Variants in DOK6 observed in about 807,000 individuals in gnomAD.
DOK6 encodes the protein downstream of tyrosine kinase 6.
DOK6 carries 22 observed loss-of-function variants against 44.0 expected under a neutral mutation model. The ratio of observed to expected loss-of-function variants is 0.50; its 90% confidence interval spans 0.36 to 0.71. The LOEUF is 0.71. Among genes scored for constraint, DOK6 ranks in the 30% least tolerant of loss-of-function variants. The probability of loss-of-function intolerance (pLI) is 0.00; values close to 1 mark genes in which losing one functional copy is unlikely to be tolerated. For missense variants in DOK6, 340 were observed against 416.4 expected (o/e 0.82, Z 1.60); for synonymous variants, 166 against 145.5 (o/e 1.14, Z -1.01).
intron 3 of DOK6, among the ~76,000 whole-genome samples, chr18:69,628,014 G>A (rs1396961621): frequency 1.3e-5 from 2 of 152,188 alleles, no homozygotes; most frequent in Non-Finnish European, 2.9e-5. Context: ...TATGCATAAT[G>A]TACAAAACAA....
intron 1 of DOK6, chr18:69,469,901 G>T: frequency 4.4e-6 from 1 of 229,422 alleles, no homozygotes; most frequent in South Asian, 4.4e-5. Flanking sequence ...ATCTGCTTCT[G>T]GGTCGCTCGG....
At chr18:69,732,421 G>C (rs1437910917) in intron 5 of DOK6, among the ~76,000 whole-genome samples, 1 of 152,056 alleles carries the variant, frequency 6.6e-6, no homozygotes, top group Non-Finnish European at 1.5e-5. Context: ...CAAGTCTTAT[G>C]ACTTACATCA....
intron 2 of DOK6, among the ~76,000 whole-genome samples, chr18:69,588,695 C>T (rs1383594684): frequency 6.6e-6 from 1 of 152,044 alleles, no homozygotes. Context: ...GATAACGGAA[C>T]AAAATCAGGT....
chr18:69,811,540 A>ATT (rs1205002562), intron 7 of DOK6, among the ~76,000 whole-genome samples: 1 of 22,182 alleles, frequency 4.5e-5, no homozygotes, highest in South Asian at 2.3e-3. Flanking sequence ...ATATATATAT[A>ATT]TATATATATA....
intron 1 of DOK6, among the ~76,000 whole-genome samples, chr18:69,473,437 T>C (rs1277284170): frequency 6.6e-6 from 1 of 152,216 alleles, no homozygotes; most frequent in East Asian, 1.9e-4. Context: ...TGTTCCCTCA[T>C]ATTCCCCCAG....
intron 1 of DOK6, among the ~76,000 whole-genome samples, chr18:69,451,819 A>G (rs1193961478): frequency 4.4e-5 from 5 of 113,692 alleles, no homozygotes; most frequent in Non-Finnish European, 8.9e-5. Context: ...ACTACTGGGT[A>G]CATAACGAAA....
chr18:69,426,542 A>G (rs996236876), intron 1 of DOK6, among the ~76,000 whole-genome samples: 12 of 152,200 alleles, frequency 7.9e-5, no homozygotes, highest in Admixed American at 4.6e-4. Flanking sequence ...ATAAACGACT[A>G]AACTTTGGGC....
intron 2 of DOK6, among the ~76,000 whole-genome samples, chr18:69,597,388 A>G (rs1166905499): frequency 6.6e-6 from 1 of 152,218 alleles, no homozygotes; most frequent in Non-Finnish European, 1.5e-5. Flanking sequence ...TGCTTTTGTT[A>G]ACTGATCATT....
At chr18:69,779,147 G>C (rs1980174082) in intron 7 of DOK6, among the ~76,000 whole-genome samples, 1 of 152,028 alleles carries the variant, frequency 6.6e-6, no homozygotes, top group Non-Finnish European at 1.5e-5. Context: ...GCTGTTGAAA[G>C]GGCTCTTTCC....
intron 4 of DOK6, among the ~76,000 whole-genome samples, chr18:69,682,910 C>T (rs1442892876): frequency 6.6e-6 from 1 of 152,168 alleles, no homozygotes; most frequent in Admixed American, 6.5e-5. Context: ...GTCTGAAACT[C>T]TTGATGTCCA....
chr18:69,450,052 T>C (rs759454286), intron 1 of DOK6, among the ~76,000 whole-genome samples: 31,567 of 128,306 alleles, frequency 0.25, 4,136 homozygotes, highest in Middle Eastern at 0.39. Flanking sequence ...GGAACAAAGC[T>C]GGATGGAGAA....
intron 1 of DOK6, chr18:69,469,684 A>G: frequency 3.9e-6 from 1 of 255,120 alleles, no homozygotes; most frequent in South Asian, 3.8e-5. Context: ...CCCCGGAGAT[A>G]CGCTGCTGTG....
At chr18:69,449,147 T>G (rs1384521586) in intron 1 of DOK6, among the ~76,000 whole-genome samples, 1 of 152,238 alleles carries the variant, frequency 6.6e-6, no homozygotes, top group East Asian at 1.9e-4. Context: ...AATTACTAGT[T>G]TTTGTTATTC....
intron 1 of DOK6, chr18:69,469,653 A>G (rs934700614): frequency 2.1e-5 from 5 of 233,670 alleles, no homozygotes; most frequent in Admixed American, 1.5e-4. Context: ...CGGCTGCCTC[A>G]CCAGAGCCTG....
intron 7 of DOK6, among the ~76,000 whole-genome samples, chr18:69,830,152 A>G (rs574773329): frequency 7.2e-5 from 11 of 152,182 alleles, no homozygotes; most frequent in Non-Finnish European, 1.6e-4. Flanking sequence ...TACATTAATT[A>G]TGTTCAGTTT....
At position 69,697,743 on chromosome 18, in the gene DOK6, T is replaced by C. The variant is rs918044939; in HGVS notation, c.410-661T>C. 2.6e-5 allele frequency among the ~76,000 whole-genome samples: 4 copies of C among 152,342 alleles called. No homozygotes were observed. The East Asian group carries it at 7.7e-4, about 29-fold the overall frequency. On this transcript the variant is annotated intron_variant, in intron 4 of 7. Transcript: ENST00000382713. Reference sequence around the variant, plus strand: ...AGTAAGGTTTGGAATCATTGCCTAATAATATTTTCAGCCATAGGATATCCA... The same window carrying C: ...AGTAAGGTTTGGAATCATTGCCTAACAATATTTTCAGCCATAGGATATCCA...
chr18:69,786,763 G>C (rs890998120), intron 7 of DOK6, among the ~76,000 whole-genome samples: 1 of 152,180 alleles, frequency 6.6e-6, no homozygotes, highest in Non-Finnish European at 1.5e-5. Flanking sequence ...ATTAAATACA[G>C]TAAACTTTGA....
chr18:69,417,973 C>A (rs112584483), intron 1 of DOK6, among the ~76,000 whole-genome samples: 1 of 152,054 alleles, frequency 6.6e-6, no homozygotes, highest in Non-Finnish European at 1.5e-5. Flanking sequence ...GTCAGTTGAA[C>A]AGCTTCACAT....
chr18:69,835,125 AGAG>A (rs775235707), intron 7 of DOK6, among the ~76,000 whole-genome samples: 1 of 152,190 alleles, frequency 6.6e-6, no homozygotes, highest in Non-Finnish European at 1.5e-5. Flanking sequence ...TTACAATTCA[AGAG>A]GAGATTTGGG....
Sources: allele counts gnomAD v4.1 joint callset (sites outside exome capture counted in the v4.1 genomes callset), GRCh38; gene constraint gnomAD v4.1.1; transcripts MANE v1.5; gene names NCBI Gene and HGNC (gene_info 2026-07-23, HGNC 2026-07-21).